The following MRTFA variants were observed in gnomAD, a reference collection of about 807,000 sequenced individuals.
MRTFA encodes the protein myocardin-related transcription factor A.
MRTFA carries 20 observed loss-of-function variants against 83.5 expected under a neutral mutation model. The ratio of observed to expected loss-of-function variants is 0.24; its 90% CI spans 0.17 to 0.35. The LOEUF (loss-of-function observed/expected upper bound fraction) is 0.35. Among genes scored for constraint, MRTFA ranks in the 10% least tolerant of loss-of-function variants. The probability of loss-of-function intolerance (pLI) is 1.00; values close to 1 mark genes in which losing one functional copy is unlikely to be tolerated. For synonymous variants in MRTFA, 659 were observed against 541.2 expected, an observed-to-expected ratio of 1.22 and a Z score of -3.02; for missense variants, 1,200 against 1,224.7, an observed-to-expected ratio of 0.98 and a Z score of 0.30.
At chr22:40,612,620 T>C (rs1012502837) in intron 1 of MRTFA, among the ~76,000 whole-genome samples, 1 of 152,044 alleles carries the variant, frequency 6.6e-6, no homozygotes, top group Non-Finnish European at 1.5e-5. Context: ...AAGTGTATAC[T>C]CTCATAAATC....
chr22:40,510,203 T>A (rs2054645274), intron 3 of MRTFA, among the ~76,000 whole-genome samples: 1 of 152,070 alleles, frequency 6.6e-6, no homozygotes, highest in Admixed American at 6.6e-5. Flanking sequence ...CTAGGACAAC[T>A]AAAGTAAAGT....
chr22:40,609,050 T>C (rs1416755488), intron 1 of MRTFA, among the ~76,000 whole-genome samples: 1 of 152,146 alleles, frequency 6.6e-6, no homozygotes, highest in Admixed American at 6.6e-5. Context: ...CCCAGCACTT[T>C]GGGAGGCCGA....
chr22:40,617,195 AGGGAG>A (rs2056461531), intron 1 of MRTFA, among the ~76,000 whole-genome samples: 1 of 36,770 alleles, frequency 2.7e-5, no homozygotes, highest in African/African-American at 1.1e-4. Flanking sequence ...GGAGGGAGGG[AGGGAG>A]GGAGGGAGGG....
chr22:40,522,739 T>G (rs2054891513), intron 3 of MRTFA: 1 of 152,248 alleles, frequency 6.6e-6, no homozygotes, highest in African/African-American at 2.4e-5. Flanking sequence ...TTGGCCAGGC[T>G]GGACTCCAAC....
At chr22:40,413,137 CAAAAAAAAAAAAAA>C (rs35119560) in intron 14 of MRTFA, among the ~76,000 whole-genome samples, 8 of 28,140 alleles carry the variant, frequency 2.8e-4, no homozygotes, top group Admixed American at 1.6e-3. Context: ...CACCCTGTCT[CAAAAAAAAAAAAAA>C]AAAAAAAAAA....
intron 3 of MRTFA, among the ~76,000 whole-genome samples, chr22:40,493,945 G>T (rs1416653747): frequency 1.3e-5 from 2 of 152,196 alleles, no homozygotes; most frequent in African/African-American, 2.4e-5. Flanking sequence ...CGTGTCTTTG[G>T]AAATGTGAAT....
chr22:40,502,759 C>T (rs973226301), intron 3 of MRTFA, among the ~76,000 whole-genome samples: 1 of 151,748 alleles, frequency 6.6e-6, no homozygotes, highest in Non-Finnish European at 1.5e-5. Flanking sequence ...CCGCTGCCTC[C>T]CGGGCGGCGC....
At chr22:40,621,398 G>T (rs1192364816) in intron 1 of MRTFA, among the ~76,000 whole-genome samples, 1 of 152,146 alleles carries the variant, frequency 6.6e-6, no homozygotes, top group East Asian at 1.9e-4. Context: ...CCACTTGTAT[G>T]AAGTACTTAA....
chr22:40,439,531 GAGAC>G (rs979604932), intron 4 of MRTFA, among the ~76,000 whole-genome samples: 6 of 127,290 alleles, frequency 4.7e-5, no homozygotes, highest in Admixed American at 2.4e-4. Context: ...AAAAAAAAAA[GAGAC>G]AGAAGAAAAG....
chr22:40,593,423 T>C (rs949448961), intron 2 of MRTFA, among the ~76,000 whole-genome samples: 1 of 152,202 alleles, frequency 6.6e-6, no homozygotes, highest in Non-Finnish European at 1.5e-5. Context: ...CAATAAAAGT[T>C]GGTACCTTTC....
In MRTFA at chr22:40,421,115, GA is replaced by G; in HGVS notation, c.928-16del. 4 of 1,513,766 alleles carry G rather than the reference GA, an allele frequency of 2.6e-6. No individual in the cohort carries two copies. The highest frequency in any genetic ancestry group is 3.5e-6 in the Non-Finnish European group (4 of 1,130,638). 93.8% of individuals were successfully genotyped at this position (1,513,766 alleles called of 1,614,324 possible). On this transcript the variant is annotated splice_polypyrimidine_tract_variant and intron_variant, in intron 9 of 14. Coordinates refer to ENST00000355630, the MANE Select transcript of MRTFA (RefSeq NM_020831.6). ...GGTTGGCTTTGCTGAGGGCACAGGAGACAGGGTGCCATTCAGGGGCAGCCTC... is the reference window on the plus strand; with the variant it reads ...GGTTGGCTTTGCTGAGGGCACAGGAGCAGGGTGCCATTCAGGGGCAGCCTC...
intron 1 of MRTFA, among the ~76,000 whole-genome samples, chr22:40,608,890 A>G (rs999168086): frequency 4.1e-4 from 62 of 152,358 alleles, no homozygotes; most frequent in African/African-American, 1.4e-3. Context: ...GAAAATACTA[A>G]AAATGTAAGA....
At chr22:40,514,207 C>T (rs1023301650) in intron 3 of MRTFA, among the ~76,000 whole-genome samples, 9 of 150,824 alleles carry the variant, frequency 6.0e-5, no homozygotes, top group Non-Finnish European at 1.0e-4. Flanking sequence ...GCCAAGATCA[C>T]GCCACTGCAC....
At chr22:40,590,332 C>A (rs1435900320) in intron 2 of MRTFA, among the ~76,000 whole-genome samples, 3 of 152,076 alleles carry the variant, frequency 2.0e-5, no homozygotes, top group Non-Finnish European at 4.4e-5. Flanking sequence ...GATTTAACAT[C>A]ATCATTAATG....
intron 3 of MRTFA, among the ~76,000 whole-genome samples, chr22:40,476,111 T>C (rs1310670882): frequency 7.2e-5 from 10 of 137,954 alleles, no homozygotes; most frequent in African/African-American, 2.4e-4. Context: ...GCCACTGCAC[T>C]CCAACCTGGG....
intron 1 of MRTFA, among the ~76,000 whole-genome samples, chr22:40,605,520 T>C (rs1302174027): frequency 1.3e-5 from 2 of 152,218 alleles, no homozygotes; most frequent in Non-Finnish European, 2.9e-5. Flanking sequence ...CTGGATATTA[T>C]TCTAAGCACA....
chr22:40,474,844 T>C (rs548526096), intron 3 of MRTFA, among the ~76,000 whole-genome samples: 36 of 152,330 alleles, frequency 2.4e-4, no homozygotes, highest in African/African-American at 8.7e-4. Flanking sequence ...TGGCTTTTTT[T>C]TCTTTCTTTC....
At chr22:40,459,402 C>T (rs2053655763) in intron 4 of MRTFA, among the ~76,000 whole-genome samples, 1 of 152,100 alleles carries the variant, frequency 6.6e-6, no homozygotes, top group African/African-American at 2.4e-5. Context: ...ACTTCCTTCT[C>T]TAGAAAAGCT....
At chr22:40,476,295 C>A (rs2053996243) in intron 3 of MRTFA, among the ~76,000 whole-genome samples, 1 of 152,090 alleles carries the variant, frequency 6.6e-6, no homozygotes, top group South Asian at 2.1e-4. Flanking sequence ...CTGATACAGC[C>A]TAAAAAGATA....
Sources: gnomAD v4.1 joint callset for allele counts (sites outside exome capture counted in the v4.1 genomes callset) on GRCh38, gnomAD v4.1.1 for gene constraint, MANE v1.5 for transcripts, NCBI Gene and HGNC (gene_info 2026-07-23, HGNC 2026-07-21) for gene names.